The following RB1 variants were observed in gnomAD, a reference collection of about 807,000 sequenced individuals.
RB1 encodes retinoblastoma-associated protein.
A neutral mutation model predicts 135.4 loss-of-function variants in RB1; 18 were observed. That is an observed-to-expected ratio of 0.13 (90% confidence interval 0.09 to 0.20). RB1 has a LOEUF of 0.20. RB1 is among the 10% of genes least tolerant of loss of function. The pLI is 1.00. For synonymous variants in RB1, 365 were observed against 373.2 expected (o/e 0.98, Z 0.25); for missense variants, 868 against 1,110.0 (o/e 0.78, Z 3.10).
chr13:48,396,817 A>G (rs1245524361), intron 17 of RB1, among the ~76,000 whole-genome samples: 1 of 152,240 alleles, frequency 6.6e-6, no homozygotes, highest in Non-Finnish European at 1.5e-5. Context: ...AAACAACCCT[A>G]TCAAAAAGTG....
chr13:48,345,795 A>T (rs1952488636), intron 4 of RB1, among the ~76,000 whole-genome samples: 1 of 152,186 alleles, frequency 6.6e-6, no homozygotes, highest in Admixed American at 6.6e-5. Flanking sequence ...ATTTGCGGTT[A>T]AGAGAATATG....
chr13:48,330,978 G>T lies in RB1; in HGVS notation c.265-11621G>T, dbSNP rs553077190. Among the ~76,000 whole-genome samples, 22 of 152,264 alleles carry T rather than the reference G, an allele frequency of 1.4e-4. No homozygotes were observed. The East Asian group carries it at 4.2e-3, about 29-fold the overall frequency. On this transcript the variant is annotated intron_variant, in intron 2 of 26. Coordinates refer to ENST00000267163, the MANE Select transcript of RB1 (RefSeq NM_000321.3). Reference sequence around the variant, plus strand: ...GATTTATCTCTGGGATTCAAGGATGGTTCAACATATGCAAATCTATAAATA... The same window carrying T: ...GATTTATCTCTGGGATTCAAGGATGTTTCAACATATGCAAATCTATAAATA...
intron 2 of RB1, among the ~76,000 whole-genome samples, chr13:48,332,089 G>A (rs1952342305): frequency 1.3e-5 from 2 of 152,124 alleles, no homozygotes; most frequent in African/African-American, 2.4e-5. Flanking sequence ...GCAAGAACAC[G>A]GATGAACCCG....
chr13:48,323,451 G>A (rs1026839483), intron 2 of RB1, among the ~76,000 whole-genome samples: 2 of 150,946 alleles, frequency 1.3e-5, no homozygotes, highest in African/African-American at 4.9e-5. Flanking sequence ...TCTCAATGTT[G>A]GTGATTTAAA....
chr13:48,465,909 G>A (rs1382128337), intron 23 of RB1, among the ~76,000 whole-genome samples: 5 of 148,434 alleles, frequency 3.4e-5, no homozygotes, highest in Non-Finnish European at 7.5e-5. Context: ...AGGGTCCTAC[G>A]CCCACGGAAT....
chr13:48,386,637 T>G (rs1762634251), intron 17 of RB1, among the ~76,000 whole-genome samples: 2 of 152,284 alleles, frequency 1.3e-5, no homozygotes, highest in South Asian at 4.1e-4. Context: ...AGAAAACAAC[T>G]GACAGTAAAG....
chr13:48,439,461 A>G (rs1370150274), intron 17 of RB1: 1 of 152,210 alleles, frequency 6.6e-6, no homozygotes, highest in Non-Finnish European at 1.5e-5. Flanking sequence ...CAGGCATGAT[A>G]GAAAGATTAC....
intron 17 of RB1, among the ~76,000 whole-genome samples, chr13:48,409,570 A>ATTTTTTTTTT (rs5803435): frequency 3.4e-5 from 2 of 59,694 alleles, no homozygotes; most frequent in East Asian, 5.9e-4. Context: ...GAACTGCTTG[A>ATTTTTTTTTT]TTTTTTTTTT....
At chr13:48,318,629 C>G in intron 2 of RB1, 1 of 610,270 alleles carries the variant, frequency 1.6e-6, no homozygotes, top group South Asian at 1.8e-5. Context: ...GGTCGGCATC[C>G]TGGCCACCAT....
At chr13:48,310,522 G>T (rs987606271) in intron 2 of RB1, among the ~76,000 whole-genome samples, 1 of 152,138 alleles carries the variant, frequency 6.6e-6, no homozygotes, top group Non-Finnish European at 1.5e-5. Flanking sequence ...TTGGAGTTAT[G>T]TGCAGATTAA....
chr13:48,327,707 G>T (rs1470048480), intron 2 of RB1, among the ~76,000 whole-genome samples: 1 of 152,174 alleles, frequency 6.6e-6, no homozygotes, highest in Non-Finnish European at 1.5e-5. Flanking sequence ...GGTAATAAGG[G>T]AGTTAAGAGA....
chr13:48,328,472 C>T (rs144428210), intron 2 of RB1: 1 of 905,758 alleles, frequency 1.1e-6, no homozygotes, highest in African/African-American at 1.6e-5. Context: ...CTTCTCAGCG[C>T]TGCGGCTGGA....
chr13:48,442,320 C>A (rs190283377), intron 17 of RB1, among the ~76,000 whole-genome samples: 70 of 152,282 alleles, frequency 4.6e-4, no homozygotes, highest in Admixed American at 4.2e-3. Flanking sequence ...CCTTCCTCAG[C>A]CTCCCGAGTA....
intron 2 of RB1, chr13:48,318,313 C>G: frequency 7.9e-7 from 1 of 1,262,558 alleles, no homozygotes; most frequent in Non-Finnish European, 1.1e-6. Flanking sequence ...TGCATCTGGG[C>G]AGTGCTGAAC....
intron 2 of RB1, among the ~76,000 whole-genome samples, chr13:48,337,747 G>A (rs543482964): frequency 0.011 from 1,631 of 152,212 alleles, 30 homozygotes; most frequent in African/African-American, 0.037. Context: ...GATTTTGCTC[G>A]TTAGTTGATG....
chr13:48,383,155 A>T (rs1246251750), intron 17 of RB1, among the ~76,000 whole-genome samples: 4 of 152,140 alleles, frequency 2.6e-5, no homozygotes, highest in Non-Finnish European at 5.9e-5. Context: ...TTAGATTATT[A>T]AAAAGTGCAT....
At position 48,454,095 on chromosome 13, in the gene RB1, A is replaced by AG. The variant is rs1325474763; in HGVS notation, c.1814+985dup. 3.9e-5 allele frequency among the ~76,000 whole-genome samples: 6 copies of AG among 152,360 alleles called. No individual in the cohort carries two copies. The East Asian group carries it at 1.2e-3, about 29-fold the overall frequency. Reference sequence around the variant, plus strand: ...TATTTTTTCATTTAATCTTCATAACAGCCCATAAGGTAACAGATACTGCTG... The same window carrying AG: ...TATTTTTTCATTTAATCTTCATAACAGGCCCATAAGGTAACAGATACTGCTG... On this transcript the variant is annotated intron_variant, in intron 18 of 26. Transcript: ENST00000267163.
chr13:48,473,249 T>A, intron 23 of RB1, 111 bp from the exon 24 acceptor site: 1 of 839,090 alleles, frequency 1.2e-6, no homozygotes, highest in East Asian at 2.5e-5. Flanking sequence ...AGGGTAGAGG[T>A]AACCTTTAAT....
intron 2 of RB1, among the ~76,000 whole-genome samples, chr13:48,316,461 A>C (rs762650755): frequency 1.3e-5 from 2 of 152,160 alleles, no homozygotes; most frequent in African/African-American, 4.8e-5. Context: ...GGCTGCGATG[A>C]TAAGAACCAA....
Sources: gnomAD v4.1 joint callset for allele counts (sites outside exome capture counted in the v4.1 genomes callset) on GRCh38, gnomAD v4.1.1 for gene constraint, MANE v1.5 for transcripts, NCBI Gene and HGNC (gene_info 2026-07-23, HGNC 2026-07-21) for gene names.